The following ADAM10 variants were observed in gnomAD, a reference collection of about 807,000 sequenced individuals.
ADAM10 encodes the protein disintegrin and metalloproteinase domain-containing protein 10.
In ADAM10, 17 loss-of-function variants were observed where a neutral mutation model predicts 90.1. The ratio of observed to expected loss-of-function variants is 0.19; its 90% confidence interval spans 0.13 to 0.28. The LOEUF (loss-of-function observed/expected upper bound fraction) is 0.28, where lower values mean the gene tolerates loss of function less well. ADAM10 is among the 10% of genes least tolerant of loss of function. The pLI, the probability that ADAM10 is intolerant of heterozygous loss-of-function variation, is 1.00. For synonymous variants in ADAM10, 310 were observed against 298.6 expected (o/e 1.04, Z -0.40); for missense variants, 610 against 914.3 (o/e 0.67, Z 4.29).
At chr15:58,644,026 A>G (rs757003777) in intron 6 of ADAM10, 48 bp from the exon 7 acceptor site, 9 of 1,370,206 alleles carry the variant, frequency 6.6e-6, no homozygotes, top group Non-Finnish European at 7.3e-6. Context: ...TGAAATATGA[A>G]AAAGATTATA....
intron 10 of ADAM10, among the ~76,000 whole-genome samples, chr15:58,627,376 A>G (rs1419967481): frequency 6.6e-6 from 1 of 152,174 alleles, no homozygotes; most frequent in Admixed American, 6.5e-5. Flanking sequence ...AAAACTCATC[A>G]AATGATGCAC....
chr15:58,615,543 C>T (rs1895583796), intron 11 of ADAM10, among the ~76,000 whole-genome samples: 1 of 152,096 alleles, frequency 6.6e-6, no homozygotes, highest in Non-Finnish European at 1.5e-5. Context: ...GCTCGGCCTC[C>T]CAAACACATG....
chr15:58,618,078 C>A (rs1202095096), intron 11 of ADAM10, among the ~76,000 whole-genome samples: 1 of 151,748 alleles, frequency 6.6e-6, no homozygotes, highest in East Asian at 1.9e-4. Context: ...AAGCCAATAG[C>A]CAAAAGAATA....
At chr15:58,716,463 G>T (rs1310361230) in intron 2 of ADAM10, among the ~76,000 whole-genome samples, 5 of 152,168 alleles carry the variant, frequency 3.3e-5, no homozygotes, top group African/African-American at 1.2e-4. Context: ...AGATGATCAG[G>T]ATTTAGGACA....
chr15:58,616,101 G>A (rs1262326590), intron 11 of ADAM10, among the ~76,000 whole-genome samples: 1 of 152,100 alleles, frequency 6.6e-6, no homozygotes, highest in East Asian at 1.9e-4. Context: ...AAATCTATAT[G>A]CACCGAACAC....
At chr15:58,628,832 T>G (rs1896022312) in intron 9 of ADAM10, among the ~76,000 whole-genome samples, 1 of 152,178 alleles carries the variant, frequency 6.6e-6, no homozygotes, top group South Asian at 2.1e-4. Flanking sequence ...GGACGTTCTG[T>G]TTTTTCCTAG....
intron 1 of ADAM10, among the ~76,000 whole-genome samples, chr15:58,729,773 G>C (rs1039206049): frequency 6.6e-6 from 1 of 152,080 alleles, no homozygotes; most frequent in Non-Finnish European, 1.5e-5. Context: ...AGACAGCCTG[G>C]CCAACATGGC....
At chr15:58,617,144 T>C (rs1399233903) in intron 11 of ADAM10, among the ~76,000 whole-genome samples, 3 of 151,750 alleles carry the variant, frequency 2.0e-5, no homozygotes, top group African/African-American at 7.3e-5. Context: ...AATAAAAATA[T>C]ATCAACAAAA....
chr15:58,661,085 CTAT>C (rs2140723099), intron 5 of ADAM10, among the ~76,000 whole-genome samples: 1 of 152,346 alleles, frequency 6.6e-6, no homozygotes, highest in South Asian at 2.1e-4. Flanking sequence ...AAACATACTT[CTAT>C]TCTTCTTTCT....
At chr15:58,597,879 A>G (rs1001329810) in intron 15 of ADAM10, among the ~76,000 whole-genome samples, 1 of 152,070 alleles carries the variant, frequency 6.6e-6, no homozygotes, top group Non-Finnish European at 1.5e-5. Flanking sequence ...TATCATTTCA[A>G]TATATAATCA....
At chr15:58,706,196 C>A (rs772204299) in intron 2 of ADAM10, among the ~76,000 whole-genome samples, 1 of 152,190 alleles carries the variant, frequency 6.6e-6, no homozygotes, top group African/African-American at 2.4e-5. Flanking sequence ...AAAGCCCCAA[C>A]TAATGAAGTA....
At chr15:58,691,980 T>A (rs1897825292) in intron 2 of ADAM10, 2 of 443,280 alleles carry the variant, frequency 4.5e-6, no homozygotes, top group South Asian at 3.2e-5. Context: ...CCAGCCGGCA[T>A]TTCTTAACAA....
chr15:58,649,688 A>G (rs1195837041), intron 5 of ADAM10, among the ~76,000 whole-genome samples: 1 of 152,176 alleles, frequency 6.6e-6, no homozygotes, highest in Non-Finnish European at 1.5e-5. Flanking sequence ...AGAGTGATTA[A>G]ACTTTTTCTC....
intron 2 of ADAM10, among the ~76,000 whole-genome samples, chr15:58,711,432 A>T (rs951913500): frequency 4.6e-5 from 7 of 152,228 alleles, no homozygotes; most frequent in African/African-American, 1.7e-4. Context: ...TAATGAGGAA[A>T]CTGAGGCTCA....
At chr15:58,643,803 A>T in intron 7 of ADAM10, 83 bp downstream of exon 7, 1 of 1,123,820 alleles carries the variant, frequency 8.9e-7, no homozygotes. Flanking sequence ...AGATAAAATT[A>T]AAAGCAAGCT....
intron 5 of ADAM10, among the ~76,000 whole-genome samples, chr15:58,663,982 G>A (rs904321051): frequency 7.2e-5 from 11 of 151,936 alleles, no homozygotes; most frequent in South Asian, 2.1e-4. Flanking sequence ...CATTAGTACA[G>A]GCCACTATCA....
intron 10 of ADAM10, among the ~76,000 whole-genome samples, chr15:58,622,241 A>G (rs992565795): frequency 1.1e-4 from 16 of 152,188 alleles, no homozygotes; most frequent in African/African-American, 3.9e-4. Flanking sequence ...CCTAACCATA[A>G]TAACCATGAT....
At chr15:58,629,960 G>C (rs546887029) in intron 9 of ADAM10, among the ~76,000 whole-genome samples, 1 of 152,088 alleles carries the variant, frequency 6.6e-6, no homozygotes, top group Non-Finnish European at 1.5e-5. Context: ...TTTTGGTAGA[G>C]ACGGGGTTTC....
intron 4 of ADAM10, chr15:58,676,046 C>A: frequency 9.1e-6 from 2 of 219,576 alleles, no homozygotes; most frequent in South Asian, 5.8e-5. Context: ...GCATCCTTTG[C>A]CATTTAGTTA....
Sources: allele counts gnomAD v4.1 joint callset (sites outside exome capture counted in the v4.1 genomes callset), GRCh38; gene constraint gnomAD v4.1.1; transcripts MANE v1.5; gene names NCBI Gene and HGNC (gene_info 2026-07-23, HGNC 2026-07-21).